Variants in TRIM50 observed in about 807,000 individuals in gnomAD.
TRIM50 encodes the protein tripartite motif containing 50.
A neutral mutation model predicts 44.9 loss-of-function variants in TRIM50; 34 were observed. The observed-to-expected ratio is 0.76, with a 90% CI of 0.58 to 1.01. The LOEUF (loss-of-function observed/expected upper bound fraction) is 1.01. Ranked by LOEUF, TRIM50 falls within the 50% of genes least tolerant of loss-of-function variation. The pLI is 0.00. For synonymous variants in TRIM50, 307 were observed against 291.1 expected, an observed-to-expected ratio of 1.05 and a Z score of -0.56; for missense variants, 633 against 663.7, an observed-to-expected ratio of 0.95 and a Z score of 0.51.
chr7:73,321,415 G>A (rs1427447687), intron 2 of TRIM50, among the ~76,000 whole-genome samples: 4 of 152,110 alleles, frequency 2.6e-5, no homozygotes, highest in African/African-American at 7.2e-5. Context: ...AAAGGCCGGC[G>A]CCAGGTGAGG....
chr7:73,317,142 C>G (rs546716079), intron 5 of TRIM50, among the ~76,000 whole-genome samples: 9 of 151,850 alleles, frequency 5.9e-5, no homozygotes, highest in Non-Finnish European at 1.2e-4. Context: ...CAGCCTCAAC[C>G]CCCTGGGCTC....
Position 73,324,575 on chromosome 7 carries a change from C to T in TRIM50, c.213G>A (p.Leu71=). ...GCCTCAGGGCTTCGATCACCCTGGC[C>T]AGGGAGACGTTGGGCAGGGAGCTGC... ...DGSSSLPNVS[L]ARVIEALRLP... is the part of the protein sequence containing the mutation. Residue 71 remains leucine (L), a synonymous_variant, in exon 2 of 7, where the codon CTG becomes CTA. Coordinates refer to ENST00000333149, the MANE Select transcript of TRIM50 (RefSeq NM_178125.3). 1 of 1,614,156 alleles carries T rather than the reference C, an allele frequency of 6.2e-7. No homozygotes were observed. The highest frequency in any genetic ancestry group is 8.5e-7 in the Non-Finnish European group (1 of 1,180,014).
At chr7:73,318,744 A>G in intron 4 of TRIM50, 35 bp from the exon 5 acceptor site, 1 of 1,613,992 alleles carries the variant, frequency 6.2e-7, no homozygotes, top group Non-Finnish European at 8.5e-7. Flanking sequence ...TAAGGCTAGA[A>G]GGTGGGAAGC....
intron 5 of TRIM50, among the ~76,000 whole-genome samples, chr7:73,317,353 CTTTTTTTTTTTT>C (rs547252453): frequency 1.7e-5 from 2 of 117,972 alleles, no homozygotes; most frequent in African/African-American, 3.2e-5. Flanking sequence ...CATGCCAAGA[CTTTTTTTTTTTT>C]TTTTTTTTTT....
At chr7:73,317,796 A>T (rs1157241646) in intron 5 of TRIM50, among the ~76,000 whole-genome samples, 1 of 152,200 alleles carries the variant, frequency 6.6e-6, no homozygotes, top group Non-Finnish European at 1.5e-5. Flanking sequence ...TGGGTCTAGA[A>T]CATGGATCCA....
intron 6 of TRIM50, among the ~76,000 whole-genome samples, chr7:73,315,976 G>A (rs1804349139): frequency 2.6e-5 from 4 of 151,594 alleles, no homozygotes; most frequent in Admixed American, 2.6e-4. Context: ...CACCTCCCTG[G>A]TTCAAGTGAT....
At chr7:73,324,933 C>T (rs1804589415) in intron 1 of TRIM50, 128 bp from the exon 2 acceptor site, 3 of 1,470,426 alleles carry the variant, frequency 2.0e-6, no homozygotes, top group Middle Eastern at 2.5e-4. Flanking sequence ...GATCCCAGTC[C>T]TAACCCACAT....
intron 5 of TRIM50, among the ~76,000 whole-genome samples, chr7:73,317,566 T>C (rs571878405): frequency 6.6e-6 from 1 of 151,996 alleles, no homozygotes; most frequent in Non-Finnish European, 1.5e-5. Flanking sequence ...CCATGTTGGC[T>C]GGGCTGGTCT....
At position 73,324,798 on chromosome 7, in the gene TRIM50, T is replaced by G. The variant is rs1804586174; in HGVS notation, c.-11A>C. The stretch of plus-strand genomic sequence containing the variant: ...CACCTGCCAAGCCATCCACACTCAC[T>G]GCCCGGGCTGAAACACAGGCATCCG... On this transcript the variant is annotated 5_prime_UTR_variant, in exon 2 of 7. Coordinates refer to ENST00000333149, the MANE Select transcript of TRIM50 (RefSeq NM_178125.3). 2 of 1,613,254 alleles carry G rather than the reference T, an allele frequency of 1.2e-6. No individual in the cohort carries two copies. The highest frequency in any genetic ancestry group is 8.5e-7 in the Non-Finnish European group (1 of 1,179,982).
chr7:73,315,585 C>T (rs1554543937), intron 6 of TRIM50, among the ~76,000 whole-genome samples: 1 of 152,152 alleles, frequency 6.6e-6, no homozygotes, highest in African/African-American at 2.4e-5. Context: ...GAACTCCTGG[C>T]CTCAAGCAGT....
chr7:73,314,355 C>A, intron 6 of TRIM50: 1 of 390,574 alleles, frequency 2.6e-6, no homozygotes. Flanking sequence ...AACCAGTTCA[C>A]CCAGGCCCTG....
Position 73,313,891 on chromosome 7 carries a change from C to T in TRIM50, c.875-381G>A, listed in dbSNP as rs868984901. On this transcript the variant is annotated intron_variant, in intron 6 of 6. Coordinates refer to ENST00000333149, the MANE Select transcript of TRIM50 (RefSeq NM_178125.3). The surrounding 1 kb of genome is among the most constrained non-coding windows in gnomAD (Gnocchi z 4.9). ...ACACAGAGGTGTTGTGGGAAGGACC[C>T]GGAAGACACCTGTCCTGTGAGCCTA... 1.3e-5 allele frequency among the ~76,000 whole-genome samples: 2 copies of T among 152,206 alleles called. No individual in the cohort carries two copies. The highest frequency in any genetic ancestry group is 2.9e-5 in the Non-Finnish European group (2 of 67,998).
At chr7:73,314,369 C>T (rs1317535791) in intron 6 of TRIM50, 20 of 397,004 alleles carry the variant, frequency 5.0e-5, no homozygotes, top group African/African-American at 2.8e-4. Flanking sequence ...GGCCCTGGAC[C>T]GCCAAACAGC....
At position 73,313,318 on chromosome 7, in the gene TRIM50, C is replaced by CCCACCA; in HGVS notation, c.1061_1066dup (p.Val354_Val355dup). 1 of 1,605,928 alleles carries CCCACCA rather than the reference C, an allele frequency of 6.2e-7. No individual in the cohort carries two copies. Among genetic ancestry groups the CCCACCA allele is most frequent in the Non-Finnish European group, 8.5e-7 (1 of 1,177,128 alleles). On this transcript the variant is annotated inframe_insertion, in exon 7 of 7. Coordinates refer to ENST00000333149, the MANE Select transcript of TRIM50 (RefSeq NM_178125.3). The surrounding 1 kb of genome is among the most constrained non-coding windows in gnomAD (Gnocchi z 4.9). ...CCCCAGGCGCCAGTCGCTCTTGCTG[C>CCCACCA]CCACCACCACCTCCCAGTAGTGGCG...
chr7:73,314,354 AC>A, intron 6 of TRIM50: 1 of 386,848 alleles, frequency 2.6e-6, no homozygotes. Flanking sequence ...TAACCAGTTC[AC>A]CCAGGCCCTG....
chr7:73,322,887 T>G (rs1259255857), intron 2 of TRIM50, among the ~76,000 whole-genome samples: 2 of 152,216 alleles, frequency 1.3e-5, no homozygotes, highest in East Asian at 3.9e-4. Context: ...TGCACACCCC[T>G]CGACCCGACT....
intron 2 of TRIM50, among the ~76,000 whole-genome samples, chr7:73,323,772 G>A (rs1804547368): frequency 6.6e-6 from 1 of 152,184 alleles, no homozygotes; most frequent in African/African-American, 2.4e-5. Context: ...TAGGGCAGTG[G>A]TGCATGCCTA....
At position 73,312,718 on chromosome 7, in the gene TRIM50, G is replaced by T; in HGVS notation, c.*203C>A. On this transcript the variant is annotated 3_prime_UTR_variant, in exon 7 of 7. Transcript: ENST00000333149. ...GTGTCCCTGGCTGCCAAGGCCTGGG[G>T]GCCGAAGTTTACAAATACACCCTTG... 2 of 554,602 alleles carry T rather than the reference G, an allele frequency of 3.6e-6. No individual in the cohort carries two copies. Among genetic ancestry groups the T allele is most frequent in the Non-Finnish European group, 6.3e-6 (2 of 317,776 alleles). The allele number at this position is 554,602 out of a possible 1,614,324, so 34.4% of individuals were successfully genotyped here.
chr7:73,312,831 A>T lies in TRIM50; in HGVS notation c.*90T>A. ...CTGAAGACCTTCCTAAACAGTGACG[A>T]TATCACCTCAGGCGGGACCCAGCAG... On this transcript the variant is annotated 3_prime_UTR_variant, in exon 7 of 7. Coordinates refer to ENST00000333149, the MANE Select transcript of TRIM50 (RefSeq NM_178125.3). 9.7e-7 allele frequency: 1 copy of T among 1,034,250 alleles called. No individual in the cohort carries two copies. The highest frequency in any genetic ancestry group is 2.9e-5 in the Admixed American group (1 of 34,600). 64.1% of individuals were successfully genotyped at this position (1,034,250 alleles called of 1,614,324 possible).
Sources: gnomAD v4.1 joint callset for allele counts (sites outside exome capture counted in the v4.1 genomes callset) on GRCh38, gnomAD v4.1.1 for gene constraint, Gnocchi (gnomAD v3.1) non-coding constraint, MANE v1.5 for transcripts, NCBI Gene and HGNC (gene_info 2026-07-23, HGNC 2026-07-21) for gene names.